The following RORA variants were observed in gnomAD, a reference collection of about 807,000 sequenced individuals.
The protein encoded by RORA is RAR related orphan receptor A.
Under a neutral mutation model 69.5 loss-of-function variants are expected in RORA, and 7 were observed. The observed-to-expected ratio is 0.10, with a 90% CI of 0.06 to 0.19. RORA has a LOEUF of 0.19. Ranked by LOEUF, RORA falls within the 10% of genes least tolerant of loss-of-function variation. The pLI is 1.00. For synonymous variants in RORA, 261 were observed against 240.8 expected, an observed-to-expected ratio of 1.08 and a Z score of -0.78; for missense variants, 457 against 663.0, an observed-to-expected ratio of 0.69 and a Z score of 3.41.
intron 8 of RORA, 42 bp from the exon 9 acceptor site, chr15:60,501,111 TG>T: frequency 2.4e-6 from 3 of 1,257,598 alleles, no homozygotes; most frequent in Non-Finnish European, 3.5e-6. Context: ...TTTTGATTAT[TG>T]TCTTAGGAGA....
chr15:60,912,985 A>G (rs904092204), intron 1 of RORA, among the ~76,000 whole-genome samples: 1 of 152,212 alleles, frequency 6.6e-6, no homozygotes, highest in African/African-American at 2.4e-5. Context: ...TACAACCATT[A>G]CCATAATTTA....
intron 1 of RORA, among the ~76,000 whole-genome samples, chr15:60,971,253 C>T (rs1893704795): frequency 1.3e-5 from 2 of 152,220 alleles, no homozygotes; most frequent in Admixed American, 6.5e-5. Context: ...GCATTTGTAT[C>T]TCCACTACTG....
intron 1 of RORA, among the ~76,000 whole-genome samples, chr15:60,821,744 G>A (rs2072896190): frequency 6.6e-6 from 1 of 152,206 alleles, no homozygotes; most frequent in Non-Finnish European, 1.5e-5. Flanking sequence ...CTAGGTGCAA[G>A]ATACTCCTTT....
intron 1 of RORA, among the ~76,000 whole-genome samples, chr15:60,880,582 T>G (rs190066864): frequency 6.6e-6 from 1 of 152,114 alleles, no homozygotes; most frequent in Admixed American, 6.5e-5. Flanking sequence ...GAGGTTGCAG[T>G]GAGCCAAGAT....
chr15:60,775,339 G>A (rs899434086), intron 1 of RORA, among the ~76,000 whole-genome samples: 2 of 152,024 alleles, frequency 1.3e-5, no homozygotes, highest in African/African-American at 4.8e-5. Flanking sequence ...TGTTAATGTT[G>A]CTAGAAGGAA....
chr15:60,647,161 A>G (rs923282577), intron 2 of RORA, among the ~76,000 whole-genome samples: 1 of 152,174 alleles, frequency 6.6e-6, no homozygotes, highest in Admixed American at 6.5e-5. Context: ...ATAGCTTGCC[A>G]ACTCTAGGCC....
intron 2 of RORA, among the ~76,000 whole-genome samples, chr15:60,587,674 A>G (rs535745053): frequency 6.6e-6 from 1 of 152,358 alleles, no homozygotes; most frequent in African/African-American, 2.4e-5. Flanking sequence ...AATGCCTAGT[A>G]AACTTCAGAA....
intron 1 of RORA, among the ~76,000 whole-genome samples, chr15:60,855,339 A>ACAATCT: frequency 6.6e-6 from 1 of 152,220 alleles, no homozygotes; most frequent in South Asian, 2.1e-4. Flanking sequence ...CAGATTGTAT[A>ACAATCT]GGCGCCTGCA....
At chr15:60,753,324 T>C (rs2071753528) in intron 1 of RORA, among the ~76,000 whole-genome samples, 1 of 152,260 alleles carries the variant, frequency 6.6e-6, no homozygotes, top group African/African-American at 2.4e-5. Context: ...TGTTCACCCA[T>C]CCGTTCATTC....
chr15:60,516,126 A>AT (rs1439001388), intron 3 of RORA, among the ~76,000 whole-genome samples: 1 of 60,758 alleles, frequency 1.6e-5, no homozygotes. Context: ...TATATATTAT[A>AT]TTAAATATAT....
intron 1 of RORA, among the ~76,000 whole-genome samples, chr15:60,937,858 C>G (rs1351536375): frequency 1.3e-5 from 2 of 152,136 alleles, no homozygotes; most frequent in Non-Finnish European, 2.9e-5. Flanking sequence ...CAGTTAGGAC[C>G]AATGAAGATT....
chr15:60,719,044 G>A (rs942478294), intron 1 of RORA, among the ~76,000 whole-genome samples: 3 of 80,078 alleles, frequency 3.7e-5, no homozygotes, highest in Non-Finnish European at 4.9e-5. Flanking sequence ...TGTGGGGGGG[G>A]TGTGTGTGTG....
intron 1 of RORA, among the ~76,000 whole-genome samples, chr15:61,208,058 G>A (rs964642193): frequency 1.3e-5 from 2 of 152,184 alleles, no homozygotes; most frequent in Non-Finnish European, 2.9e-5. Flanking sequence ...CTGAAATAAA[G>A]ACCTCGCATT....
At position 60,710,469 on chromosome 15, in the gene RORA, C is replaced by T. The variant is rs548121788; in HGVS notation, c.167-31783G>A. On this transcript the variant is annotated intron_variant, in intron 1 of 10. Transcript: ENST00000335670. Reference sequence around the variant, plus strand: ...CGCCATTGCACTCCAGCCTGGGCAACAAGAGCGAAACTCCATCTCAAAAAA... The same window carrying T: ...CGCCATTGCACTCCAGCCTGGGCAATAAGAGCGAAACTCCATCTCAAAAAA... Among the ~76,000 whole-genome samples the T allele has an allele frequency of 1.4e-4, 21 of 152,144 alleles. No homozygotes were observed. In the South Asian group the frequency reaches 3.1e-3, roughly 23 times the overall value.
At chr15:60,523,966 C>T (rs1843250260) in intron 3 of RORA, among the ~76,000 whole-genome samples, 1 of 152,248 alleles carries the variant, frequency 6.6e-6, no homozygotes, top group Non-Finnish European at 1.5e-5. Context: ...TGAGCCACTG[C>T]ACCCGACCTA....
chr15:61,200,530 C>G (rs1397861858), intron 1 of RORA, among the ~76,000 whole-genome samples: 1 of 152,188 alleles, frequency 6.6e-6, no homozygotes, highest in Non-Finnish European at 1.5e-5. Flanking sequence ...AATAAAGCAA[C>G]TGACCTGGAA....
rs924525623 is a variant in RORA at position 60,612,485 on chromosome 15, C to G, written c.196+66172G>C. ...GAGTCATAATTTTTACCTCCTTTAGCGAACAATTCCCTGGTATGTTCCTGA... is the reference window on the plus strand; with the variant it reads ...GAGTCATAATTTTTACCTCCTTTAGGGAACAATTCCCTGGTATGTTCCTGA... On this transcript the variant is annotated intron_variant, in intron 2 of 10. Coordinates refer to ENST00000335670, the MANE Select transcript of RORA (RefSeq NM_134261.3). Among the ~76,000 whole-genome samples the G allele has an allele frequency of 2.0e-5, 3 of 152,218 alleles. No homozygotes were observed. In the South Asian group the frequency reaches 6.2e-4, roughly 32 times the overall value.
chr15:60,962,306 A>G (rs918429111), intron 1 of RORA, among the ~76,000 whole-genome samples: 1 of 152,034 alleles, frequency 6.6e-6, no homozygotes, highest in African/African-American at 2.4e-5. Flanking sequence ...CCTTTAACTC[A>G]TTTCCCCTCC....
chr15:60,792,493 A>G (rs1359041451), intron 1 of RORA, among the ~76,000 whole-genome samples: 1 of 152,220 alleles, frequency 6.6e-6, no homozygotes, highest in Non-Finnish European at 1.5e-5. Context: ...CAAAGAAAAC[A>G]ATATCTAGAC....
Sources: gnomAD v4.1 joint callset for allele counts (sites outside exome capture counted in the v4.1 genomes callset) on GRCh38, gnomAD v4.1.1 for gene constraint, MANE v1.5 for transcripts, NCBI Gene and HGNC (gene_info 2026-07-23, HGNC 2026-07-21) for gene names.